TMCC1: variants seen among roughly 807,000 people sequenced by gnomAD.
The protein encoded by TMCC1 is transmembrane and coiled-coil domains protein 1.
TMCC1 carries 15 observed loss-of-function variants against 52.4 expected under a neutral mutation model. The ratio of observed to expected loss-of-function variants is 0.29; its 90% CI spans 0.19 to 0.44. The LOEUF is 0.44. TMCC1 is among the 20% of genes least tolerant of loss of function. TMCC1 has a pLI of 1.00. For missense variants in TMCC1, 503 were observed against 806.0 expected (o/e 0.62, Z 4.55); for synonymous variants, 279 against 301.9 (o/e 0.92, Z 0.79).
chr3:129,862,095 A>T (rs2060422941), intron 2 of TMCC1, among the ~76,000 whole-genome samples: 1 of 152,236 alleles, frequency 6.6e-6, no homozygotes, highest in Non-Finnish European at 1.5e-5. Flanking sequence ...GCTAAGTAAA[A>T]GAAGCCAGTC....
chr3:129,684,797 T>TAG (rs1560185883), intron 4 of TMCC1, among the ~76,000 whole-genome samples: 1 of 152,150 alleles, frequency 6.6e-6, no homozygotes, highest in Non-Finnish European at 1.5e-5. Context: ...TAGGATAGCT[T>TAG]AGAGAAAATT....
intron 2 of TMCC1, among the ~76,000 whole-genome samples, chr3:129,862,186 G>A (rs568560343): frequency 5.3e-5 from 8 of 152,298 alleles, no homozygotes; most frequent in African/African-American, 1.7e-4. Context: ...ACATAGATTA[G>A]AAGTTATACA....
chr3:129,824,526 AATGAATAC>A (rs1331382122), intron 4 of TMCC1, among the ~76,000 whole-genome samples: 8 of 152,234 alleles, frequency 5.3e-5, no homozygotes, highest in Non-Finnish European at 1.5e-5. Flanking sequence ...CTTTGGGGCC[AATGAATAC>A]ATATTTATAT....
At chr3:129,819,680 A>G (rs2058312221) in intron 4 of TMCC1, 1 of 152,126 alleles carries the variant, frequency 6.6e-6, no homozygotes, top group East Asian at 1.9e-4. Flanking sequence ...TGTTCTGGAG[A>G]CTAGAATTTA....
At chr3:129,667,692 T>A (rs2087579108) in intron 5 of TMCC1, among the ~76,000 whole-genome samples, 1 of 152,212 alleles carries the variant, frequency 6.6e-6, no homozygotes, top group South Asian at 2.1e-4. Context: ...TTAATTCTTC[T>A]AATGAGGTGT....
chr3:129,774,919 G>A (rs1028536783), intron 4 of TMCC1, among the ~76,000 whole-genome samples: 2 of 152,118 alleles, frequency 1.3e-5, no homozygotes, highest in African/African-American at 2.4e-5. Context: ...GGGAGGTAAT[G>A]AAGAATTTTC....
chr3:129,761,327 CAAAAAAAA>C (rs59160769), intron 4 of TMCC1, among the ~76,000 whole-genome samples: 1 of 61,230 alleles, frequency 1.6e-5, no homozygotes, highest in Non-Finnish European at 3.2e-5. Flanking sequence ...GACTCCGTCT[CAAAAAAAA>C]AAAAAAAAAA....
At chr3:129,661,446 A>C (rs779076261) in intron 5 of TMCC1, among the ~76,000 whole-genome samples, 2 of 152,076 alleles carry the variant, frequency 1.3e-5, no homozygotes, top group African/African-American at 4.8e-5. Context: ...AAAAACCCAC[A>C]AACAAAAACA....
At chr3:129,835,856 G>A (rs896911119) in intron 2 of TMCC1, among the ~76,000 whole-genome samples, 15 of 152,036 alleles carry the variant, frequency 9.9e-5, no homozygotes, top group African/African-American at 3.4e-4. Context: ...AAAGAAGAGA[G>A]AACAAGATTA....
intron 4 of TMCC1, among the ~76,000 whole-genome samples, chr3:129,701,369 G>A (rs1236885809): frequency 2.0e-5 from 3 of 152,188 alleles, no homozygotes; most frequent in African/African-American, 7.2e-5. Flanking sequence ...CAGCTAGAAA[G>A]TCCCTAATTG....
chr3:129,719,623 T>C lies in TMCC1; in HGVS notation c.577-48359A>G, dbSNP rs143558999. On this transcript the variant is annotated intron_variant, in intron 4 of 6. Transcript: ENST00000393238. The stretch of plus-strand genomic sequence containing the variant: ...CCAGGTAGACAGAGTCAGAATTGAA[T>C]TGAATTAAAGGATACCCAGCTGGTG... Among the ~76,000 whole-genome samples, 8 of 152,302 alleles carry C rather than the reference T, an allele frequency of 5.3e-5. No homozygotes were observed. The East Asian group carries it at 1.4e-3, about 26-fold the overall frequency.
chr3:129,707,607 A>G (rs948355346), intron 4 of TMCC1, among the ~76,000 whole-genome samples: 7 of 152,344 alleles, frequency 4.6e-5, no homozygotes, highest in African/African-American at 1.7e-4. Flanking sequence ...TTACTTTCTT[A>G]TAATTTGATT....
chr3:129,821,877 C>T (rs2058440636), intron 4 of TMCC1, among the ~76,000 whole-genome samples: 1 of 151,982 alleles, frequency 6.6e-6, no homozygotes, highest in African/African-American at 2.4e-5. Context: ...CCAGCCTGGG[C>T]AACACCGCAA....
rs1194560285 is a variant in TMCC1 at position 129,893,668 on chromosome 3, C to G, written c.-609G>C. ...GCCGCCTCAGTCACCGCCACCGCCG[C>G]CGCCGCCTCAGCCCCGGCGCGGGAG... On this transcript the variant is annotated 5_prime_UTR_variant, in exon 1 of 7. Transcript: ENST00000393238. The G allele has an allele frequency of 2.6e-5, 4 of 151,570 alleles. No individual in the cohort carries two copies. Among genetic ancestry groups the G allele is most frequent in the African/African-American group, 4.9e-5 (2 of 41,176 alleles). 9.4% of individuals were successfully genotyped at this position (151,570 alleles called of 1,614,324 possible). A position where few individuals can be genotyped will look rare whatever the true frequency, so the allele number is the denominator to read the frequency against.
intron 1 of TMCC1, among the ~76,000 whole-genome samples, chr3:129,882,619 CAT>C (rs1377929562): frequency 6.6e-6 from 1 of 152,186 alleles, no homozygotes; most frequent in Non-Finnish European, 1.5e-5. Flanking sequence ...ACTCAAGTGT[CAT>C]ATGTCCATGA....
At chr3:129,816,064 C>G (rs2058080591) in intron 4 of TMCC1, among the ~76,000 whole-genome samples, 1 of 152,058 alleles carries the variant, frequency 6.6e-6, no homozygotes, top group East Asian at 1.9e-4. Flanking sequence ...GTTAGAATGG[C>G]TTTTATCAAA....
intron 5 of TMCC1, among the ~76,000 whole-genome samples, chr3:129,659,081 T>C (rs567269580): frequency 6.6e-6 from 1 of 150,954 alleles, no homozygotes; most frequent in South Asian, 2.1e-4. Flanking sequence ...CCTGTTTTCC[T>C]TTTTCTTTCT....
chr3:129,765,888 CGGAG>C (rs770764084), intron 4 of TMCC1, among the ~76,000 whole-genome samples: 2 of 145,436 alleles, frequency 1.4e-5, no homozygotes, highest in Non-Finnish European at 3.0e-5. Flanking sequence ...AGGAGGGTGG[CGGAG>C]GGAGGGAGGG....
intron 4 of TMCC1, among the ~76,000 whole-genome samples, chr3:129,692,136 G>T (rs558876325): frequency 6.6e-6 from 1 of 152,194 alleles, no homozygotes; most frequent in African/African-American, 2.4e-5. Context: ...TTCACTTGGG[G>T]TTTGTTTTTT....
Sources: allele counts gnomAD v4.1 joint callset (sites outside exome capture counted in the v4.1 genomes callset), GRCh38; gene constraint gnomAD v4.1.1; transcripts MANE v1.5; gene names NCBI Gene and HGNC (gene_info 2026-07-23, HGNC 2026-07-21).